The following LARP1 variants were observed in gnomAD, a reference collection of about 807,000 sequenced individuals.
The protein encoded by LARP1 is La ribonucleoprotein 1, translational regulator, also known as la-related protein 1.
A neutral mutation model predicts 122.7 loss-of-function variants in LARP1; 36 were observed. That is an observed-to-expected ratio of 0.29 (90% confidence interval 0.22 to 0.39). The LOEUF is 0.39. LARP1 is among the 10% of genes least tolerant of loss of function. The pLI is 1.00. For missense variants in LARP1, 1,040 were observed against 1,403.6 expected, an observed-to-expected ratio of 0.74 and a Z score of 4.14; for synonymous variants, 539 against 528.7, an observed-to-expected ratio of 1.02 and a Z score of -0.27.
intron 1 of LARP1, chr5:154,757,332 G>C (rs1177024377): frequency 2.0e-5 from 3 of 152,186 alleles, no homozygotes; most frequent in Non-Finnish European, 4.4e-5. Context: ...TGTCAGCGTG[G>C]GGGGAGAGGC....
chr5:154,716,340 C>T (rs1273767738), intron 1 of LARP1, among the ~76,000 whole-genome samples: 7 of 152,118 alleles, frequency 4.6e-5, no homozygotes, highest in Non-Finnish European at 8.8e-5. Flanking sequence ...AGGCTGGTCT[C>T]GAATTCCTGA....
At chr5:154,685,913 T>G in intron 1 of LARP1, 1 of 485,766 alleles carries the variant, frequency 2.1e-6, no homozygotes. Context: ...TGCTAATGCT[T>G]CCCCAAGCTA....
At chr5:154,786,041 A>G (rs1756851057) in intron 1 of LARP1, among the ~76,000 whole-genome samples, 1 of 152,074 alleles carries the variant, frequency 6.6e-6, no homozygotes, top group Non-Finnish European at 1.5e-5. Flanking sequence ...CAATTTTGGT[A>G]TGCTTCACTT....
At chr5:154,794,399 G>C in intron 7 of LARP1, 137 bp downstream of exon 7, 2 of 764,448 alleles carry the variant, frequency 2.6e-6, no homozygotes, top group Non-Finnish European at 4.1e-6. Flanking sequence ...TTTTCTCATT[G>C]TTTATTAAAG....
At chr5:154,780,615 T>C (rs1481865032) in intron 1 of LARP1, among the ~76,000 whole-genome samples, 3 of 152,252 alleles carry the variant, frequency 2.0e-5, no homozygotes, top group Non-Finnish European at 4.4e-5. Flanking sequence ...TCAGTTTTTC[T>C]GTATGTACAA....
chr5:154,760,058 G>A (rs980127258), intron 1 of LARP1, among the ~76,000 whole-genome samples: 2 of 152,076 alleles, frequency 1.3e-5, no homozygotes, highest in Non-Finnish European at 2.9e-5. Context: ...TCCTGCCTCA[G>A]CCTTGAGAGT....
At chr5:154,692,961 A>G (rs1754291643) in intron 1 of LARP1, among the ~76,000 whole-genome samples, 1 of 148,476 alleles carries the variant, frequency 6.7e-6, no homozygotes, top group Admixed American at 6.8e-5. Flanking sequence ...GACACGCACC[A>G]CCATACCCAG....
intron 1 of LARP1, among the ~76,000 whole-genome samples, chr5:154,763,622 G>A (rs1754660023): frequency 6.6e-6 from 1 of 151,932 alleles, no homozygotes; most frequent in African/African-American, 2.4e-5. Flanking sequence ...TCCAGCCTGG[G>A]CGACAGAGTG....
At chr5:154,796,261 A>G (rs760193754) in intron 8 of LARP1, among the ~76,000 whole-genome samples, 4 of 146,928 alleles carry the variant, frequency 2.7e-5, no homozygotes, top group Non-Finnish European at 5.9e-5. Flanking sequence ...GCTCACACCT[A>G]TAATCCCTGC....
chr5:154,778,258 T>TTAAAAAAA (rs1326085254), intron 1 of LARP1, among the ~76,000 whole-genome samples: 2,313 of 119,478 alleles, frequency 0.019, 37 homozygotes, highest in Admixed American at 0.068. Flanking sequence ...AGACTCCGTC[T>TTAAAAAAA]AAAAAAAAAA....
At chr5:154,806,284 A>G (rs913133362) in intron 15 of LARP1, among the ~76,000 whole-genome samples, 8 of 152,198 alleles carry the variant, frequency 5.3e-5, no homozygotes, top group African/African-American at 1.7e-4. Flanking sequence ...AAAGCTGTCA[A>G]TTAAGTATTT....
chr5:154,804,811 C>G (rs753556471), intron 14 of LARP1: 5 of 456,146 alleles, frequency 1.1e-5, no homozygotes, highest in African/African-American at 8.0e-5. Context: ...TTTCCCAAAG[C>G]AAGCTTTGAG....
intron 1 of LARP1, among the ~76,000 whole-genome samples, chr5:154,720,993 C>G (rs543063835): frequency 1.7e-4 from 26 of 151,736 alleles, no homozygotes; most frequent in African/African-American, 5.1e-4. Context: ...TGAGAAGGTT[C>G]TTTTCTATTT....
intron 1 of LARP1, among the ~76,000 whole-genome samples, chr5:154,785,001 C>G (rs1385520389): frequency 6.6e-6 from 1 of 152,252 alleles, no homozygotes; most frequent in African/African-American, 2.4e-5. Flanking sequence ...TGAATTTCAA[C>G]TGAAAGGGAA....
chr5:154,695,693 T>G (rs895069362), intron 1 of LARP1, among the ~76,000 whole-genome samples: 1 of 151,742 alleles, frequency 6.6e-6, no homozygotes, highest in Admixed American at 6.6e-5. Context: ...GCCAACATGG[T>G]GAAACCCTGT....
chr5:154,764,412 T>C (rs1297857457), intron 1 of LARP1, among the ~76,000 whole-genome samples: 1 of 151,268 alleles, frequency 6.6e-6, no homozygotes, highest in Non-Finnish European at 1.5e-5. Context: ...AAGACCAGCC[T>C]GGGCAACATA....
chr5:154,794,749 T>G (rs1390124587), intron 7 of LARP1, among the ~76,000 whole-genome samples: 4 of 152,226 alleles, frequency 2.6e-5, no homozygotes, highest in Non-Finnish European at 5.9e-5. Context: ...AAAGCACAGA[T>G]TTAAATCCTT....
intron 1 of LARP1, among the ~76,000 whole-genome samples, chr5:154,731,717 A>G (rs1400604925): frequency 6.6e-6 from 1 of 152,122 alleles, no homozygotes; most frequent in Admixed American, 6.6e-5. Context: ...TCATTGGTAG[A>G]GGCATTTAAA....
intron 1 of LARP1, among the ~76,000 whole-genome samples, chr5:154,703,745 G>A (rs906332032): frequency 3.3e-5 from 5 of 151,850 alleles, no homozygotes; most frequent in Admixed American, 6.6e-5. Context: ...CTTAGCCTCC[G>A]GAGTAGCTGG....
Sources: allele counts gnomAD v4.1 joint callset (sites outside exome capture counted in the v4.1 genomes callset), GRCh38; gene constraint gnomAD v4.1.1; transcripts MANE v1.5; gene names NCBI Gene and HGNC (gene_info 2026-07-23, HGNC 2026-07-21).